PRKD1: variants seen among roughly 807,000 people sequenced by gnomAD.
The protein encoded by PRKD1 is protein kinase D1.
Under a neutral mutation model 95.9 loss-of-function variants are expected in PRKD1, and 63 were observed. That is an observed-to-expected ratio of 0.66 (90% CI 0.54 to 0.81). The LOEUF is 0.81. Among genes scored for constraint, PRKD1 ranks in the 30% least tolerant of loss-of-function variants. The pLI, the probability that PRKD1 is intolerant of heterozygous loss-of-function variation, is 0.00. For synonymous variants in PRKD1, 425 were observed against 423.1 expected (o/e 1.00, Z -0.05); for missense variants, 1,048 against 1,165.3 (o/e 0.90, Z 1.47).
chr14:29,653,827 GAA>G (rs1189162208), intron 4 of PRKD1, among the ~76,000 whole-genome samples: 1 of 151,992 alleles, frequency 6.6e-6, no homozygotes, highest in East Asian at 1.9e-4. Flanking sequence ...CAACTCAATG[GAA>G]AAAGAGAAAG....
At chr14:29,767,628 A>G (rs753665854) in intron 1 of PRKD1, among the ~76,000 whole-genome samples, 1 of 152,180 alleles carries the variant, frequency 6.6e-6, no homozygotes, top group Non-Finnish European at 1.5e-5. Flanking sequence ...TGTTCTCTTC[A>G]AACTAAAATG....
At chr14:29,790,007 CTTTT>C (rs34880091) in intron 1 of PRKD1, among the ~76,000 whole-genome samples, 1 of 97,310 alleles carries the variant, frequency 1.0e-5, no homozygotes. Flanking sequence ...AGCAAGTTGT[CTTTT>C]TTTTTTTTTT....
At chr14:29,701,258 C>G (rs75358870) in intron 2 of PRKD1, among the ~76,000 whole-genome samples, 2 of 152,124 alleles carry the variant, frequency 1.3e-5, no homozygotes, top group African/African-American at 4.8e-5. Flanking sequence ...AATGTATGTT[C>G]TTGGCCACAC....
chr14:29,920,319 A>G (rs1040652718), intron 1 of PRKD1, among the ~76,000 whole-genome samples: 2 of 152,046 alleles, frequency 1.3e-5, no homozygotes, highest in African/African-American at 4.8e-5. Context: ...AACACCCTAT[A>G]TTTTTACCTC....
At chr14:29,663,110 TA>T (rs961573897) in intron 4 of PRKD1, among the ~76,000 whole-genome samples, 1 of 144,748 alleles carries the variant, frequency 6.9e-6, no homozygotes, top group Non-Finnish European at 1.5e-5. Context: ...ATATAATATA[TA>T]AAAATATATA....
At chr14:29,578,544 A>AG (rs1892645864) in intron 16 of PRKD1, among the ~76,000 whole-genome samples, 184 bp from the exon 17 acceptor site, 2 of 82,382 alleles carry the variant, frequency 2.4e-5, no homozygotes, top group Non-Finnish European at 4.5e-5. Context: ...TTTGGATACT[A>AG]AAAAAAAAAA....
intron 1 of PRKD1, among the ~76,000 whole-genome samples, chr14:29,734,230 C>G (rs551873676): frequency 1.3e-5 from 2 of 151,650 alleles, no homozygotes; most frequent in Admixed American, 6.6e-5. Flanking sequence ...TTAGTAGAGA[C>G]GGGGTTTCAC....
At chr14:29,924,673 T>C (rs1487743499) in intron 1 of PRKD1, among the ~76,000 whole-genome samples, 1 of 152,188 alleles carries the variant, frequency 6.6e-6, no homozygotes, top group Non-Finnish European at 1.5e-5. Flanking sequence ...TTGTAAATGA[T>C]TTCAAACCCT....
At chr14:29,822,998 G>A (rs1470969373) in intron 1 of PRKD1, among the ~76,000 whole-genome samples, 1 of 152,146 alleles carries the variant, frequency 6.6e-6, no homozygotes, top group East Asian at 1.9e-4. Flanking sequence ...TGGAAACAAT[G>A]CAGCCAGGTT....
intron 1 of PRKD1, among the ~76,000 whole-genome samples, chr14:29,820,942 T>C (rs980106058): frequency 8.5e-5 from 13 of 152,172 alleles, no homozygotes; most frequent in South Asian, 2.1e-4. Flanking sequence ...TGAGATGTAA[T>C]GGGGGAATGA....
rs1893442178 is a variant in PRKD1, at chr14:29,599,667, A to G, written c.2056T>C (p.Leu686=). ...GRLPEHITKF[L]ITQILVALRH... Reference sequence around the variant, plus strand: ...AATTGATTTCTTACCTGAGTAATTAAAAACTTCGTTATGTGCTCTGGCAAC... The same window carrying G: ...AATTGATTTCTTACCTGAGTAATTAGAAACTTCGTTATGTGCTCTGGCAAC... The change falls in exon 14 of 18, where the codon TTA becomes CTA. Residue 686 remains leucine (L), a synonymous_variant. Coordinates refer to ENST00000331968, the MANE Select transcript of PRKD1 (RefSeq NM_002742.3). 1.2e-6 allele frequency: 2 copies of G among 1,610,080 alleles called. No individual in the cohort carries two copies. The highest frequency in any genetic ancestry group is 1.1e-5 in the South Asian group (1 of 90,200).
At chr14:29,889,881 T>G (rs1893878720) in intron 1 of PRKD1, among the ~76,000 whole-genome samples, 1 of 152,218 alleles carries the variant, frequency 6.6e-6, no homozygotes, top group African/African-American at 2.4e-5. Context: ...GAACTTAAAG[T>G]ATAATAATAA....
intron 1 of PRKD1, among the ~76,000 whole-genome samples, chr14:29,874,637 A>G (rs938705979): frequency 3.9e-5 from 6 of 152,190 alleles, no homozygotes; most frequent in African/African-American, 1.4e-4. Flanking sequence ...TACATACACA[A>G]CGGAATACTA....
chr14:29,861,818 A>T (rs1238784555), intron 1 of PRKD1, among the ~76,000 whole-genome samples: 1 of 152,030 alleles, frequency 6.6e-6, no homozygotes, highest in African/African-American at 2.4e-5. Flanking sequence ...ACACCCAGCT[A>T]ATTTTTTTGT....
intron 1 of PRKD1, among the ~76,000 whole-genome samples, chr14:29,853,197 T>C (rs917108034): frequency 1.3e-5 from 2 of 152,154 alleles, no homozygotes; most frequent in African/African-American, 4.8e-5. Flanking sequence ...CAATCATAAA[T>C]GTTCATACAC....
At chr14:29,838,790 AC>A (rs1379820979) in intron 1 of PRKD1, among the ~76,000 whole-genome samples, 2 of 152,222 alleles carry the variant, frequency 1.3e-5, no homozygotes, top group African/African-American at 4.8e-5. Flanking sequence ...CTAAACTCAT[AC>A]TAACTTGCTA....
intron 13 of PRKD1, among the ~76,000 whole-genome samples, chr14:29,605,702 G>C (rs1308171119): frequency 2.6e-5 from 4 of 152,174 alleles, no homozygotes; most frequent in Non-Finnish European, 1.5e-5. Context: ...GTCAATATAA[G>C]TCTAGTGCCT....
chr14:29,900,228 A>C lies in PRKD1; in HGVS notation c.264+27021T>G, dbSNP rs1477019421. On this transcript the variant is annotated intron_variant, in intron 1 of 17. Transcript: ENST00000331968. ...TACTGCACAGACGTTTATTATCCTT[A>C]CTTCACAGAAAAGGAAACTGAGATC... 3.3e-5 allele frequency among the ~76,000 whole-genome samples: 5 copies of C among 152,304 alleles called. No homozygotes were observed. The East Asian group carries it at 7.7e-4, about 23-fold the overall frequency.
intron 1 of PRKD1, among the ~76,000 whole-genome samples, chr14:29,854,298 T>G (rs912294730): frequency 6.6e-6 from 1 of 152,178 alleles, no homozygotes; most frequent in Non-Finnish European, 1.5e-5. Flanking sequence ...GATAGTGATA[T>G]GGACAATGAA....
Sources: gnomAD v4.1 joint callset for allele counts (sites outside exome capture counted in the v4.1 genomes callset) on GRCh38, gnomAD v4.1.1 for gene constraint, MANE v1.5 for transcripts, NCBI Gene and HGNC (gene_info 2026-07-23, HGNC 2026-07-21) for gene names.